The following GRHL2 variants were observed in gnomAD, a reference collection of about 807,000 sequenced individuals.
GRHL2 encodes grainyhead like transcription factor 2.
GRHL2 carries 21 observed loss-of-function variants against 83.8 expected under a neutral mutation model. That is an observed-to-expected ratio of 0.25 (90% CI 0.18 to 0.36). The LOEUF (loss-of-function observed/expected upper bound fraction) is 0.36. GRHL2 is among the 10% of genes least tolerant of loss of function. The probability of loss-of-function intolerance (pLI) is 1.00; values close to 1 mark genes in which losing one functional copy is unlikely to be tolerated. For missense variants in GRHL2, 623 were observed against 781.8 expected, an observed-to-expected ratio of 0.80 and a Z score of 2.42; for synonymous variants, 280 against 278.9, an observed-to-expected ratio of 1.00 and a Z score of -0.04.
chr8:101,660,158 A>C (rs1323449713), intron 14 of GRHL2, among the ~76,000 whole-genome samples: 2 of 152,268 alleles, frequency 1.3e-5, no homozygotes, highest in Non-Finnish European at 2.9e-5. Context: ...AAGTTATTAC[A>C]TCTGTAACAA....
intron 1 of GRHL2, among the ~76,000 whole-genome samples, chr8:101,539,570 C>T (rs1811110307): frequency 6.6e-6 from 1 of 152,164 alleles, no homozygotes; most frequent in Admixed American, 6.5e-5. Flanking sequence ...CCAGCATATC[C>T]TGTCTCCAAA....
intron 8 of GRHL2, among the ~76,000 whole-genome samples, chr8:101,618,278 T>TAATAA (rs1267636640): frequency 6.6e-6 from 1 of 152,316 alleles, no homozygotes; most frequent in African/African-American, 2.4e-5. Context: ...CAATATTTTA[T>TAATAA]AATAAAATAA....
intron 4 of GRHL2, among the ~76,000 whole-genome samples, chr8:101,569,515 G>T (rs1011938923): frequency 1.3e-5 from 2 of 152,160 alleles, no homozygotes; most frequent in Non-Finnish European, 2.9e-5. Context: ...TGTCGCTCAG[G>T]CTGATCTGAA....
intron 14 of GRHL2, among the ~76,000 whole-genome samples, chr8:101,656,873 G>GAGACACACACACACACACACAC: frequency 6.8e-6 from 1 of 147,270 alleles, no homozygotes; most frequent in Non-Finnish European, 1.5e-5. Flanking sequence ...GTGTCTAACA[G>GAGACACACACACACACACACAC]ACACACACAC....
downstream of GRHL2, among the ~76,000 whole-genome samples, chr8:101,671,782 T>C (rs28799372): frequency 0.28 from 41,934 of 151,890 alleles, 6,294 homozygotes; most frequent in African/African-American, 0.38. Flanking sequence ...CTGGGAGGCA[T>C]CCCCTAGTAG....
chr8:101,562,261 C>A, intron 4 of GRHL2: 2 of 595,214 alleles, frequency 3.4e-6, no homozygotes, highest in South Asian at 1.6e-5. Flanking sequence ...TCGATAGGTT[C>A]ATTTCTACAT....
chr8:101,542,804 G>T (rs1586077748), intron 1 of GRHL2: 1 of 456,600 alleles, frequency 2.2e-6, no homozygotes, highest in African/African-American at 2.0e-5. Flanking sequence ...GGTAAAGAGA[G>T]AGTAAGATGG....
intron 8 of GRHL2, among the ~76,000 whole-genome samples, chr8:101,610,904 A>G (rs502914): frequency 0.97 from 146,182 of 150,808 alleles, 71,209 homozygotes; most frequent in Middle Eastern, 1. Flanking sequence ...AAGATGGTGA[A>G]CTAATGTTCT....
At chr8:101,492,846 A>T in intron 1 of GRHL2, 57 bp downstream of exon 1, 1 of 1,536,650 alleles carries the variant, frequency 6.5e-7, no homozygotes, top group Non-Finnish European at 9.0e-7. Flanking sequence ...GCTGATGGCA[A>T]CTGGTTTGTT....
chr8:101,539,014 G>A (rs915411793), intron 1 of GRHL2, among the ~76,000 whole-genome samples: 11 of 152,178 alleles, frequency 7.2e-5, no homozygotes, highest in African/African-American at 2.4e-4. Context: ...AAATTTATGA[G>A]CAAAGCTTTG....
chr8:101,623,288 G>A (rs1563612843), intron 9 of GRHL2, among the ~76,000 whole-genome samples: 2 of 152,278 alleles, frequency 1.3e-5, no homozygotes, highest in Non-Finnish European at 2.9e-5. Context: ...CAATAGGACA[G>A]TTTCCATGAC....
chr8:101,632,075 G>A (rs1031542585), intron 10 of GRHL2, 151 bp from the exon 11 acceptor site: 2 of 842,872 alleles, frequency 2.4e-6, no homozygotes, highest in Non-Finnish European at 3.9e-6. Context: ...TTGTTTTGCT[G>A]GGATGAGGTG....
In GRHL2 at chr8:101,543,373, G is replaced by A; in HGVS notation, c.153G>A (p.Met51Ile). ...ENPLTAATKA[M>I]MSINGDEDSA... ...CCCTGACAGCAGCCACCAAGGCCAT[G>A]ATGAGCATTAATGGTGATGAGGACA... Residue 51 changes from methionine to isoleucine, a missense_variant, in exon 2 of 16, where the codon ATG (methionine) becomes ATA (isoleucine). Around this residue, in one of 8 missense-constraint regions of GRHL2, gnomAD observed 11 missense variants for 46.1 expected, o/e 0.24. Transcript: ENST00000646743. 6.2e-7 allele frequency: 1 copy of A among 1,614,154 alleles called. No individual in the cohort carries two copies. The highest frequency in any genetic ancestry group is 8.5e-7 in the Non-Finnish European group (1 of 1,179,994).
rs572472422 is a variant in GRHL2 at position 101,548,042 on chromosome 8, T to C, written c.216+4606T>C. On this transcript the variant is annotated intron_variant, in intron 2 of 15. Coordinates refer to ENST00000646743, the MANE Select transcript of GRHL2 (RefSeq NM_024915.4). ...GTTTATCATCATCTGGTTCCAGCTG[T>C]AGTGAAAAATAGGCTTCCCTGGTCA... 8.5e-5 allele frequency among the ~76,000 whole-genome samples: 13 copies of C among 152,376 alleles called. No individual in the cohort carries two copies. In the South Asian group the frequency reaches 2.7e-3, roughly 32 times the overall value.
intron 14 of GRHL2, among the ~76,000 whole-genome samples, chr8:101,655,011 C>T (rs765699001): frequency 3.3e-5 from 5 of 151,976 alleles, no homozygotes; most frequent in African/African-American, 4.8e-5. Flanking sequence ...GGAGAAACCC[C>T]GTCTCTACTG....
intron 7 of GRHL2, among the ~76,000 whole-genome samples, chr8:101,586,302 A>G (rs1812169630): frequency 6.6e-6 from 1 of 151,596 alleles, no homozygotes; most frequent in Admixed American, 6.6e-5. Flanking sequence ...AATCCAACAT[A>G]ATCTGTCTTT....
At chr8:101,662,498 T>C (rs1046489711) in intron 14 of GRHL2, among the ~76,000 whole-genome samples, 1 of 152,220 alleles carries the variant, frequency 6.6e-6, no homozygotes, top group Non-Finnish European at 1.5e-5. Context: ...CCTCCAGCTC[T>C]GCTCTAGACC....
intron 1 of GRHL2, 113 bp from the exon 2 acceptor site, chr8:101,543,128 C>T: frequency 2.3e-6 from 2 of 852,226 alleles, no homozygotes; most frequent in South Asian, 1.4e-5. Flanking sequence ...TTCCTTCTCC[C>T]CCATTCTGGG....
intron 1 of GRHL2, among the ~76,000 whole-genome samples, chr8:101,501,269 A>C (rs556065526): frequency 2.1e-4 from 32 of 152,234 alleles, no homozygotes; most frequent in Admixed American, 7.9e-4. Flanking sequence ...CTTCACTTTC[A>C]CTCCCAAGGA....
Sources: allele counts gnomAD v4.1 joint callset (sites outside exome capture counted in the v4.1 genomes callset), GRCh38; gene constraint gnomAD v4.1.1; regional missense constraint gnomAD v4.1.1; transcripts MANE v1.5; gene names NCBI Gene and HGNC (gene_info 2026-07-23, HGNC 2026-07-21).